The following RAB23 variants were observed in gnomAD, a reference collection of about 807,000 sequenced individuals.
RAB23 encodes the protein RAB23, member RAS oncogene family, also known as ras-related protein Rab-23.
Under a neutral mutation model 30.0 loss-of-function variants are expected in RAB23, and 15 were observed. The observed-to-expected ratio is 0.50, with a 90% CI of 0.33 to 0.77. The LOEUF is 0.77. Ranked by LOEUF, RAB23 falls within the 30% of genes least tolerant of loss-of-function variation. The pLI, the probability that RAB23 is intolerant of heterozygous loss-of-function variation, is 0.02. For synonymous variants in RAB23, 93 were observed against 94.0 expected (o/e 0.99, Z 0.06); for missense variants, 243 against 275.4 (o/e 0.88, Z 0.83).
rs78252034 is a variant in RAB23 at position 57,201,076 on chromosome 6, TTC to T, written c.242-4472_242-4471del. Among the ~76,000 whole-genome samples, 41 of 149,080 alleles carry T rather than the reference TTC, an allele frequency of 2.8e-4. 6 individuals carry two copies. The highest frequency in any genetic ancestry group is 2.4e-4 in the Non-Finnish European group (16 of 67,530). ...CAGATCCTAAAATTCAGGAAGGATT[TTC>T]TCTCTCTCTTTTTTTTTTTTTTTGA... On this transcript the variant is annotated intron_variant, in intron 3 of 6. Coordinates refer to ENST00000468148, the MANE Select transcript of RAB23 (RefSeq NM_016277.5).
chr6:57,209,283 T>C (rs1765562349), intron 2 of RAB23, among the ~76,000 whole-genome samples: 1 of 152,162 alleles, frequency 6.6e-6, no homozygotes, highest in Non-Finnish European at 1.5e-5. Flanking sequence ...CAAATACTGA[T>C]TCTGGGGTTA....
Position 57,207,654 on chromosome 6 carries a change from T to C in RAB23, c.215A>G (p.Asp72Gly), listed in dbSNP as rs1242109809. Reference protein sequence around the residue: ...LWDTAGQEEFDAITKAYYRGA... With the variant: ...LWDTAGQEEFGAITKAYYRGA... ...TCGATAGTAGGCCTTTGTAATTGCA[T>C]CAAATTCCTCCTGACCTGCAGTGTC... Residue 72 changes from aspartate (D) to glycine (G), a missense_variant, in exon 3 of 7, where the codon GAT becomes GGT. Transcript: ENST00000468148. 1.2e-6 allele frequency: 2 copies of C among 1,604,280 alleles called. No individual in the cohort carries two copies. The highest frequency in any genetic ancestry group is 1.7e-5 in the Admixed American group (1 of 59,984).
chr6:57,211,648 A>G (rs1748270519), intron 1 of RAB23, among the ~76,000 whole-genome samples: 1 of 152,206 alleles, frequency 6.6e-6, no homozygotes, highest in African/African-American at 2.4e-5. Flanking sequence ...ACTCTTAGTT[A>G]TAATGATTTA....
intron 3 of RAB23, among the ~76,000 whole-genome samples, chr6:57,200,237 G>C (rs1347330212): frequency 1.3e-5 from 2 of 150,864 alleles, no homozygotes; most frequent in African/African-American, 4.9e-5. Flanking sequence ...GAAAGGAAAA[G>C]GATCTGTAAA....
At chr6:57,199,250 G>A (rs912633404) in intron 3 of RAB23, among the ~76,000 whole-genome samples, 11 of 152,268 alleles carry the variant, frequency 7.2e-5, no homozygotes, top group African/African-American at 2.6e-4. Flanking sequence ...ATGCCTCTGG[G>A]TGGCGGGGGG....
At position 57,190,703 on chromosome 6, in the gene RAB23, T is replaced by C. The variant is rs1024258741; in HGVS notation, c.575-103A>G. ...CAGTAATATTTTCAAGTATTTACAG[T>C]TTCTCTAAAATTGTAGTAAAATCCA... On this transcript the variant is annotated intron_variant, in intron 6 of 6. Transcript: ENST00000468148. 2.1e-6 allele frequency: 3 copies of C among 1,461,622 alleles called. No homozygotes were observed. In the African/African-American group the frequency reaches 4.2e-5, roughly 20 times the overall value. 90.5% of individuals were successfully genotyped at this position (1,461,622 alleles called of 1,614,324 possible).
chr6:57,203,628 C>A (rs1328963103), intron 3 of RAB23, among the ~76,000 whole-genome samples: 7 of 152,052 alleles, frequency 4.6e-5, no homozygotes, highest in Admixed American at 4.6e-4. Context: ...ATACAAATAA[C>A]TTTTACTCAA....
At chr6:57,195,755 A>G (rs1464361065) in intron 4 of RAB23, among the ~76,000 whole-genome samples, 11 of 152,222 alleles carry the variant, frequency 7.2e-5, no homozygotes, top group African/African-American at 2.7e-4. Context: ...GAACAGGCCT[A>G]GCCAACATCT....
Position 57,190,045 on chromosome 6 carries a change from C to G in RAB23, c.*416G>C, listed in dbSNP as rs1411578. ...ATTATTTTGTGAAAGTATTCAGATT[C>G]AATACTATTTCGCAGAAAAGCTACA... On this transcript the variant is annotated 3_prime_UTR_variant, in exon 7 of 7. Transcript: ENST00000468148. 32,984 of 225,604 alleles carry G rather than the reference C, an allele frequency of 0.15. 2,667 individuals carry two copies. Among genetic ancestry groups the G allele is most frequent in the Middle Eastern group, 0.21 (114 of 540 alleles). 14.0% of individuals were successfully genotyped at this position (225,604 alleles called of 1,614,324 possible).
intron 3 of RAB23, among the ~76,000 whole-genome samples, chr6:57,200,060 C>T (rs1411960683): frequency 6.6e-6 from 1 of 151,980 alleles, no homozygotes; most frequent in Non-Finnish European, 1.5e-5. Flanking sequence ...AAAACTTTGA[C>T]TGAGGTACCA....
At chr6:57,211,978 C>A (rs1295027773) in intron 1 of RAB23, among the ~76,000 whole-genome samples, 1 of 152,230 alleles carries the variant, frequency 6.6e-6, no homozygotes, top group Non-Finnish European at 1.5e-5. Flanking sequence ...TGGTACTTTA[C>A]AAACCTGAGT....
At chr6:57,201,432 C>T (rs2128000286) in intron 3 of RAB23, among the ~76,000 whole-genome samples, 2 of 131,852 alleles carry the variant, frequency 1.5e-5, no homozygotes, top group South Asian at 5.2e-4. Flanking sequence ...AAAGGAGAAT[C>T]CTCATTTCTG....
At chr6:57,211,337 G>C (rs1765644760) in intron 1 of RAB23, among the ~76,000 whole-genome samples, 2 of 152,124 alleles carry the variant, frequency 1.3e-5, no homozygotes, top group South Asian at 4.1e-4. Context: ...GTGCATGCCT[G>C]TCGTCCCAGC....
At chr6:57,207,225 G>A (rs1245874390) in intron 3 of RAB23, among the ~76,000 whole-genome samples, 1 of 152,166 alleles carries the variant, frequency 6.6e-6, no homozygotes, top group East Asian at 1.9e-4. Context: ...AACTCCTACA[G>A]CAGTGAAAAG....
chr6:57,197,919 T>TTTTTG lies in RAB23; in HGVS notation c.242-1318_242-1314dup, dbSNP rs944250391. Among the ~76,000 whole-genome samples, 5 of 152,162 alleles carry TTTTTG rather than the reference T, an allele frequency of 3.3e-5. No individual in the cohort carries two copies. The East Asian group carries it at 5.8e-4, about 18-fold the overall frequency. On this transcript the variant is annotated intron_variant, in intron 3 of 6. Coordinates refer to ENST00000468148, the MANE Select transcript of RAB23 (RefSeq NM_016277.5). ...CATCATGCACAGCTAATTCTTTGTT[T>TTTTTG]TTTTGTTTTGTTTTGTTTTGTTTTT... is the stretch of plus-strand genomic sequence containing the variant.
rs150832651 is a variant in RAB23, at chr6:57,219,238, A to G, written c.-66+2488T>C. Reference sequence around the variant, plus strand: ...TATTTTTTAGAATGAGATTTACAATAGCTCCAAAAACATTAAATACTTAGG... The same window carrying G: ...TATTTTTTAGAATGAGATTTACAATGGCTCCAAAAACATTAAATACTTAGG... On this transcript the variant is annotated intron_variant, in intron 1 of 6. Coordinates refer to ENST00000468148, the MANE Select transcript of RAB23 (RefSeq NM_016277.5). Among the ~76,000 whole-genome samples the G allele has an allele frequency of 5.8e-3, 877 of 152,364 alleles. 11 individuals carry two copies. The highest frequency in any genetic ancestry group is 0.02 in the African/African-American group (827 of 41,580).
Position 57,209,002 on chromosome 6 carries a change from G to A in RAB23, c.155+1224C>T, listed in dbSNP as rs567003131. Among the ~76,000 whole-genome samples, 595 of 152,160 alleles carry A rather than the reference G, an allele frequency of 3.9e-3. 2 individuals carry two copies. The highest frequency in any genetic ancestry group is 5.9e-3 in the Non-Finnish European group (399 of 68,004). On this transcript the variant is annotated intron_variant, in intron 2 of 6. Coordinates refer to ENST00000468148, the MANE Select transcript of RAB23 (RefSeq NM_016277.5). ...TCTAACATATTTATTTTTTCTGTAA[G>A]GCACATCATAGCCTTCCTATACTTA...
chr6:57,187,856 C>T lies in RAB23; in HGVS notation c.*2605G>A, dbSNP rs1362635768. The T allele has an allele frequency of 2.0e-5, 3 of 151,854 alleles. No individual in the cohort carries two copies. The highest frequency in any genetic ancestry group is 4.4e-5 in the Non-Finnish European group (3 of 67,968). The allele number at this position is 151,854 out of a possible 1,614,324, so 9.4% of individuals were successfully genotyped here. A position where few individuals can be genotyped will look rare whatever the true frequency, so the allele number is the denominator to read the frequency against. Reference sequence around the variant, plus strand: ...TTCATCCTCTTTTTGGTAGTTTTAGCTTTATTTTGAAAAAGTAACGTGTGC... The same window carrying T: ...TTCATCCTCTTTTTGGTAGTTTTAGTTTTATTTTGAAAAAGTAACGTGTGC... On this transcript the variant is annotated 3_prime_UTR_variant, in exon 7 of 7. Coordinates refer to ENST00000468148, the MANE Select transcript of RAB23 (RefSeq NM_016277.5).
At chr6:57,206,534 T>G (rs1765461344) in intron 3 of RAB23, among the ~76,000 whole-genome samples, 1 of 151,974 alleles carries the variant, frequency 6.6e-6, no homozygotes. Flanking sequence ...AAAGGAGGCA[T>G]AAAGGAAGTT....
Sources: gnomAD v4.1 joint callset for allele counts (sites outside exome capture counted in the v4.1 genomes callset) on GRCh38, gnomAD v4.1.1 for gene constraint, MANE v1.5 for transcripts, NCBI Gene and HGNC (gene_info 2026-07-23, HGNC 2026-07-21) for gene names.